The following GRIA1 variants were observed in gnomAD, a reference collection of about 807,000 sequenced individuals.
The protein encoded by GRIA1 is glutamate ionotropic receptor AMPA type subunit 1.
Under a neutral mutation model 99.2 loss-of-function variants are expected in GRIA1, and 31 were observed. That is an observed-to-expected ratio of 0.31 (90% CI 0.23 to 0.42). The LOEUF is 0.42. GRIA1 is among the 10% of genes least tolerant of loss of function. The probability of loss-of-function intolerance (pLI) is 1.00; values close to 1 mark genes in which losing one functional copy is unlikely to be tolerated. For synonymous variants in GRIA1, 438 were observed against 432.4 expected (o/e 1.01, Z -0.16); for missense variants, 782 against 1,157.5 (o/e 0.68, Z 4.71).
upstream of GRIA1, chr5:153,490,465 A>C: frequency 9.1e-6 from 2 of 220,704 alleles, no homozygotes; most frequent in Non-Finnish European, 1.8e-5. Context: ...GATGGGAGGA[A>C]GGGGGAACAG....
intron 11 of GRIA1, among the ~76,000 whole-genome samples, chr5:153,743,592 A>AG (rs61103265): frequency 0.4 from 61,426 of 151,944 alleles, 13,721 homozygotes; most frequent in East Asian, 0.94. Context: ...ACTCAGTGAT[A>AG]GGACCCTCCC....
chr5:153,597,747 C>T (rs779138948), intron 2 of GRIA1, among the ~76,000 whole-genome samples: 1 of 152,046 alleles, frequency 6.6e-6, no homozygotes, highest in Non-Finnish European at 1.5e-5. Context: ...GTGGCTTATG[C>T]CTGTAATTCC....
At chr5:153,637,868 C>T (rs779584122) in intron 2 of GRIA1, among the ~76,000 whole-genome samples, 2 of 152,178 alleles carry the variant, frequency 1.3e-5, no homozygotes, top group African/African-American at 2.4e-5. Flanking sequence ...GTGCAATTTT[C>T]GTTATTCCCT....
chr5:153,647,191 A>T (rs745488018), intron 3 of GRIA1, 24 bp downstream of exon 3: 7 of 1,608,738 alleles, frequency 4.4e-6, no homozygotes, highest in Non-Finnish European at 6.0e-6. Flanking sequence ...TAGGGGAGGG[A>T]GACTTTTGAG....
intron 11 of GRIA1, among the ~76,000 whole-genome samples, chr5:153,737,512 T>C (rs1316549070): frequency 6.6e-6 from 1 of 152,102 alleles, no homozygotes; most frequent in Non-Finnish European, 1.5e-5. Context: ...GGATTTGCCA[T>C]CTAAAACTGG....
chr5:153,662,504 G>C (rs1177072634), intron 5 of GRIA1, among the ~76,000 whole-genome samples: 1 of 152,178 alleles, frequency 6.6e-6, no homozygotes, highest in African/African-American at 2.4e-5. Context: ...CAGCTGTGGG[G>C]TGTCTGGGAA....
chr5:153,675,262 C>A (rs1308049584), intron 6 of GRIA1, among the ~76,000 whole-genome samples: 1 of 152,182 alleles, frequency 6.6e-6, no homozygotes, highest in African/African-American at 2.4e-5. Flanking sequence ...GATTGAGCTT[C>A]TTTGTGTAGT....
At chr5:153,770,055 AGCTAATCTCGCTCAT>A (rs1763769815) in intron 12 of GRIA1, 98 bp from the exon 13 acceptor site, 2 of 1,056,830 alleles carry the variant, frequency 1.9e-6, no homozygotes, top group Admixed American at 4.0e-5. Context: ...TTTCTTCCTG[AGCTAATCTCGCTCAT>A]GAATGTGTGA....
chr5:153,700,759 G>C (rs1250602133), intron 10 of GRIA1, among the ~76,000 whole-genome samples: 1 of 152,160 alleles, frequency 6.6e-6, no homozygotes, highest in Non-Finnish European at 1.5e-5. Context: ...CAGCCACTGA[G>C]GAAGATGATA....
intron 9 of GRIA1, 114 bp from the exon 10 acceptor site, chr5:153,698,753 C>A: frequency 2.8e-6 from 2 of 704,880 alleles, no homozygotes; most frequent in Non-Finnish European, 5.2e-6. Context: ...AATTGAGGGG[C>A]TAGAGAGCCT....
chr5:153,564,008 G>A (rs1227822249), intron 2 of GRIA1, among the ~76,000 whole-genome samples: 2 of 152,178 alleles, frequency 1.3e-5, no homozygotes, highest in Non-Finnish European at 2.9e-5. Flanking sequence ...GGAGCTATTT[G>A]GGATATGTTG....
At chr5:153,720,713 T>C (rs11747810) in intron 11 of GRIA1, among the ~76,000 whole-genome samples, 80,764 of 152,020 alleles carry the variant, frequency 0.53, 22,313 homozygotes, top group East Asian at 0.94. Context: ...CAACTGTGGC[T>C]ATGTGCCCAT....
intron 13 of GRIA1, among the ~76,000 whole-genome samples, chr5:153,790,217 C>T (rs1016170451): frequency 2.0e-5 from 3 of 152,210 alleles, no homozygotes; most frequent in Admixed American, 6.5e-5. Context: ...GGAACACTCA[C>T]TTGCCTGGAA....
intron 2 of GRIA1, among the ~76,000 whole-genome samples, chr5:153,609,532 G>A (rs1050596240): frequency 1.4e-5 from 2 of 147,832 alleles, no homozygotes; most frequent in East Asian, 3.9e-4. Flanking sequence ...AGTGACTTTG[G>A]CATTTGGGAT....
At position 153,688,833 on chromosome 5, in the gene GRIA1, C is replaced by A. The variant is rs191528017; in HGVS notation, c.1134+2504C>A. Among the ~76,000 whole-genome samples the A allele has an allele frequency of 4.8e-4, 73 of 152,120 alleles. No individual in the cohort carries two copies. The East Asian group carries it at 0.012, about 25-fold the overall frequency. ...CTCCCGGATTCAAGTGATTCTCCTG[C>A]CTCAGCCTCCCGAGTGGTTGGGATT... On this transcript the variant is annotated intron_variant, in intron 8 of 15. Transcript: ENST00000285900.
chr5:153,547,640 CTT>C (rs1304940625), intron 2 of GRIA1, among the ~76,000 whole-genome samples: 1 of 152,176 alleles, frequency 6.6e-6, no homozygotes, highest in Non-Finnish European at 1.5e-5. Context: ...ATAATCAGTA[CTT>C]TGGTTGAAAC....
chr5:153,504,756 C>T (rs892976332), intron 2 of GRIA1, among the ~76,000 whole-genome samples: 2 of 152,106 alleles, frequency 1.3e-5, no homozygotes, highest in South Asian at 2.1e-4. Flanking sequence ...CACATAGAAG[C>T]GACTGGGAGG....
intron 3 of GRIA1, among the ~76,000 whole-genome samples, chr5:153,647,557 C>A (rs914679968): frequency 6.6e-6 from 1 of 152,130 alleles, no homozygotes; most frequent in African/African-American, 2.4e-5. Flanking sequence ...GGATAAAATT[C>A]TCTATGCCTT....
intron 11 of GRIA1, among the ~76,000 whole-genome samples, chr5:153,739,880 T>TAAG (rs1262259962): frequency 6.6e-6 from 1 of 152,196 alleles, no homozygotes; most frequent in Non-Finnish European, 1.5e-5. Context: ...ACTGTCAGTA[T>TAAG]AAGTCACTGA....
Sources: allele counts gnomAD v4.1 joint callset (sites outside exome capture counted in the v4.1 genomes callset), GRCh38; gene constraint gnomAD v4.1.1; transcripts MANE v1.5; gene names NCBI Gene and HGNC (gene_info 2026-07-23, HGNC 2026-07-21).